TBC1D22B: variants seen among roughly 807,000 people sequenced by gnomAD.
TBC1D22B encodes chromosome 6 open reading frame 197.
Under a neutral mutation model 69.1 loss-of-function variants are expected in TBC1D22B, and 32 were observed. That is an observed-to-expected ratio of 0.46 (90% CI 0.35 to 0.62). The LOEUF is 0.62. TBC1D22B is among the 20% of genes least tolerant of loss of function. The pLI is 0.00. For synonymous variants in TBC1D22B, 206 were observed against 229.8 expected, an observed-to-expected ratio of 0.90 and a Z score of 0.94; for missense variants, 462 against 630.9, an observed-to-expected ratio of 0.73 and a Z score of 2.87.
At chr6:37,306,390 G>T (rs1767719431) in intron 8 of TBC1D22B, among the ~76,000 whole-genome samples, 1 of 152,192 alleles carries the variant, frequency 6.6e-6, no homozygotes, top group Admixed American at 6.5e-5. Context: ...CTGGCAGTGG[G>T]GACCCTGAGC....
chr6:37,292,211 C>T (rs1378701261), intron 8 of TBC1D22B, among the ~76,000 whole-genome samples: 2 of 152,004 alleles, frequency 1.3e-5, no homozygotes, highest in Non-Finnish European at 2.9e-5. Context: ...GAACTAAAAC[C>T]ATTTTCTTTA....
chr6:37,301,122 G>A (rs1336755301), intron 8 of TBC1D22B, among the ~76,000 whole-genome samples: 2 of 152,162 alleles, frequency 1.3e-5, no homozygotes, highest in African/African-American at 4.8e-5. Context: ...TCATCTGGTT[G>A]AACTTGAGAA....
intron 2 of TBC1D22B, among the ~76,000 whole-genome samples, chr6:37,271,334 C>G (rs1166301589): frequency 6.6e-6 from 1 of 151,962 alleles, no homozygotes; most frequent in African/African-American, 2.4e-5. Flanking sequence ...CAAAACAAAA[C>G]AAAACAAAAA....
chr6:37,312,178 T>G (rs1767933405), intron 8 of TBC1D22B, among the ~76,000 whole-genome samples: 1 of 152,236 alleles, frequency 6.6e-6, no homozygotes, highest in African/African-American at 2.4e-5. Flanking sequence ...GCAGAATTTC[T>G]GTTAACTTCT....
chr6:37,261,519 A>G (rs1766101202), intron 1 of TBC1D22B, among the ~76,000 whole-genome samples: 1 of 151,462 alleles, frequency 6.6e-6, no homozygotes, highest in African/African-American at 2.4e-5. Flanking sequence ...ATGTGATCTT[A>G]TGGGATTTAA....
intron 1 of TBC1D22B, among the ~76,000 whole-genome samples, chr6:37,269,138 C>T (rs908300369): frequency 2.0e-5 from 3 of 152,184 alleles, no homozygotes; most frequent in East Asian, 1.9e-4. Context: ...CTTTATACCC[C>T]TCCTGCAGTG....
chr6:37,286,266 C>T (rs926350558), intron 6 of TBC1D22B, among the ~76,000 whole-genome samples: 2 of 151,978 alleles, frequency 1.3e-5, no homozygotes, highest in African/African-American at 4.8e-5. Flanking sequence ...TTTCCTGTGT[C>T]AGTCACTTCT....
chr6:37,305,130 G>GC (rs1277220264), intron 8 of TBC1D22B, among the ~76,000 whole-genome samples: 5 of 152,062 alleles, frequency 3.3e-5, no homozygotes, highest in Non-Finnish European at 5.9e-5. Context: ...GATTGTGCTC[G>GC]CCCCCCACGC....
At chr6:37,317,230 G>A (rs1215092637) in intron 12 of TBC1D22B, 24 bp downstream of exon 12, 1 of 1,551,482 alleles carries the variant, frequency 6.4e-7, no homozygotes, top group Admixed American at 1.9e-5. Context: ...AGCTTAGTGT[G>A]GGCAGGGAAT....
chr6:37,285,314 A>ATTT (rs1766968884), intron 6 of TBC1D22B, among the ~76,000 whole-genome samples: 24 of 32,786 alleles, frequency 7.3e-4, no homozygotes, highest in Admixed American at 1.2e-3. Context: ...GTCCTTCCCC[A>ATTT]CTTTTTTTTT....
intron 2 of TBC1D22B, among the ~76,000 whole-genome samples, chr6:37,273,041 G>C (rs946495769): frequency 1.3e-5 from 2 of 152,120 alleles, no homozygotes; most frequent in African/African-American, 4.8e-5. Flanking sequence ...AGGGTTCTTG[G>C]AAAGATTTTC....
At chr6:37,293,664 CTTT>C (rs1177010003) in intron 8 of TBC1D22B, among the ~76,000 whole-genome samples, 1 of 152,178 alleles carries the variant, frequency 6.6e-6, no homozygotes, top group Non-Finnish European at 1.5e-5. Context: ...ATGTCTCTCA[CTTT>C]AAATCAAAAG....
At position 37,331,187 on chromosome 6, in the gene TBC1D22B, G is replaced by A. The variant is rs768109295; in HGVS notation, c.*15G>A. 6 of 1,613,246 alleles carry A rather than the reference G, an allele frequency of 3.7e-6. No homozygotes were observed. The highest frequency in any genetic ancestry group is 2.2e-5 in the South Asian group (2 of 91,022). On this transcript the variant is annotated 3_prime_UTR_variant, in exon 13 of 13. Coordinates refer to ENST00000373491, the MANE Select transcript of TBC1D22B (RefSeq NM_017772.4). ...ACCGCCGATAGGTGCTGTCTCCTCC[G>A]GGGACCCAGACTGCCTTCATCTCTG...
intron 12 of TBC1D22B, among the ~76,000 whole-genome samples, chr6:37,327,426 C>A (rs368707529): frequency 1.4e-5 from 1 of 72,656 alleles, no homozygotes; most frequent in South Asian, 4.1e-4. Flanking sequence ...TGCAGTGAGC[C>A]GAGATCGTGC....
At chr6:37,266,669 G>C (rs550654338) in intron 1 of TBC1D22B, among the ~76,000 whole-genome samples, 1 of 151,872 alleles carries the variant, frequency 6.6e-6, no homozygotes, top group Non-Finnish European at 1.5e-5. Flanking sequence ...CACCATGTTG[G>C]CCAGGCTGGT....
chr6:37,297,941 A>C (rs1041225616), intron 8 of TBC1D22B, among the ~76,000 whole-genome samples: 8 of 152,216 alleles, frequency 5.3e-5, no homozygotes, highest in Non-Finnish European at 1.5e-5. Context: ...AAACTAACAC[A>C]GGAACAGAAA....
At chr6:37,318,616 C>A (rs1346395201) in intron 12 of TBC1D22B, among the ~76,000 whole-genome samples, 5 of 152,148 alleles carry the variant, frequency 3.3e-5, no homozygotes, top group Non-Finnish European at 7.3e-5. Flanking sequence ...CCTTGACACA[C>A]TCTTATATGA....
At chr6:37,298,843 C>T (rs1767475994) in intron 8 of TBC1D22B, among the ~76,000 whole-genome samples, 1 of 151,776 alleles carries the variant, frequency 6.6e-6, no homozygotes, top group Non-Finnish European at 1.5e-5. Flanking sequence ...CCGCGCCTGG[C>T]CTAAGTTGCC....
At chr6:37,324,442 C>CT in intron 12 of TBC1D22B, 1 of 448,784 alleles carries the variant, frequency 2.2e-6, no homozygotes, top group South Asian at 1.6e-5. Context: ...AAACTGGATA[C>CT]TTTATAAGGA....
Sources: allele counts gnomAD v4.1 joint callset (sites outside exome capture counted in the v4.1 genomes callset), GRCh38; gene constraint gnomAD v4.1.1; transcripts MANE v1.5; gene names NCBI Gene and HGNC (gene_info 2026-07-23, HGNC 2026-07-21).